The following SGK1 variants were observed in gnomAD, a reference collection of about 807,000 sequenced individuals.
SGK1 encodes serine/threonine-protein kinase Sgk1.
SGK1 carries 26 observed loss-of-function variants against 64.2 expected under a neutral mutation model. The ratio of observed to expected loss-of-function variants is 0.40; its 90% CI spans 0.30 to 0.56. SGK1 has a LOEUF of 0.56. SGK1 is among the 20% of genes least tolerant of loss of function. SGK1 has a pLI of 0.38. For synonymous variants in SGK1, 265 were observed against 239.7 expected, an observed-to-expected ratio of 1.11 and a Z score of -0.98; for missense variants, 519 against 645.6, an observed-to-expected ratio of 0.80 and a Z score of 2.12.
intron 1 of SGK1, among the ~76,000 whole-genome samples, chr6:134,265,296 C>T (rs1194365234): frequency 6.6e-6 from 1 of 151,660 alleles, no homozygotes; most frequent in Non-Finnish European, 1.5e-5. Context: ...CCCATCTCTA[C>T]AAAAAACACA....
At chr6:134,218,347 T>G (rs1202838533) in intron 2 of SGK1, among the ~76,000 whole-genome samples, 5 of 152,134 alleles carry the variant, frequency 3.3e-5, no homozygotes, top group Non-Finnish European at 7.4e-5. Flanking sequence ...TATTATACAA[T>G]AGGCACAGTG....
intron 1 of SGK1, among the ~76,000 whole-genome samples, chr6:134,281,752 A>T (rs1777097651): frequency 6.6e-6 from 1 of 152,036 alleles, no homozygotes; most frequent in African/African-American, 2.4e-5. Flanking sequence ...CGTGGTCTTA[A>T]ATGATCCTCC....
intron 3 of SGK1, among the ~76,000 whole-genome samples, chr6:134,185,589 T>C (rs892063450): frequency 6.6e-6 from 1 of 150,808 alleles, no homozygotes; most frequent in East Asian, 2.0e-4. Flanking sequence ...TGTGTGTGTG[T>C]ATTAGTTTTC....
chr6:134,179,183 T>G (rs1775295006), intron 3 of SGK1, among the ~76,000 whole-genome samples: 1 of 152,160 alleles, frequency 6.6e-6, no homozygotes, highest in South Asian at 2.1e-4. Context: ...CTTAAGACAC[T>G]TCTTAAATGT....
At position 134,298,139 on chromosome 6, in the gene SGK1, A is replaced by G. The variant is rs183959388; in HGVS notation, c.69+19253T>C. ...TTCATCCACATCCTTCTTGATGAGGACAGATTCATTCTCCATCTCTGTAAG... is the reference window on the plus strand; with the variant it reads ...TTCATCCACATCCTTCTTGATGAGGGCAGATTCATTCTCCATCTCTGTAAG... On this transcript the variant is annotated intron_variant, in intron 1 of 13. Coordinates refer to ENST00000367858, the MANE Select transcript of SGK1 (RefSeq NM_001143676.3). 17 of 1,316,872 alleles carry G rather than the reference A, an allele frequency of 1.3e-5. No individual in the cohort carries two copies. In the East Asian group the frequency reaches 3.2e-4, roughly 25 times the overall value. The allele number at this position is 1,316,872 out of a possible 1,614,324, so 81.6% of individuals were successfully genotyped here.
In SGK1 at chr6:134,298,071, G is replaced by A. The variant is rs549526901; in HGVS notation, c.69+19321C>T. On this transcript the variant is annotated intron_variant, in intron 1 of 13. Coordinates refer to ENST00000367858, the MANE Select transcript of SGK1 (RefSeq NM_001143676.3). ...CTCAGGAAGTTGATCTCGTCAGTCA[G>A]CCCTTCCAGGTGAGACTCCAGCTCT... 900 of 1,270,238 alleles carry A rather than the reference G, an allele frequency of 7.1e-4. 5 individuals carry two copies. Among genetic ancestry groups the A allele is most frequent in the South Asian group, 4.2e-3 (353 of 84,022 alleles). The allele number at this position is 1,270,238 out of a possible 1,614,324, so 78.7% of individuals were successfully genotyped here. A position where few individuals can be genotyped will look rare whatever the true frequency, so the allele number is the denominator to read the frequency against.
intron 2 of SGK1, among the ~76,000 whole-genome samples, chr6:134,229,488 C>T (rs1776243676): frequency 6.6e-6 from 1 of 152,142 alleles, no homozygotes; most frequent in Non-Finnish European, 1.5e-5. Context: ...CGTGACAATT[C>T]CATTTAGATT....
intron 1 of SGK1, among the ~76,000 whole-genome samples, chr6:134,289,298 A>C (rs1777229004): frequency 6.6e-6 from 1 of 152,236 alleles, no homozygotes; most frequent in African/African-American, 2.4e-5. Flanking sequence ...ATTGGCAATG[A>C]ATTTAAACAA....
At chr6:134,229,140 T>C (rs946337003) in intron 2 of SGK1, among the ~76,000 whole-genome samples, 1 of 152,262 alleles carries the variant, frequency 6.6e-6, no homozygotes, top group African/African-American at 2.4e-5. Flanking sequence ...GCGGGTCTTG[T>C]AGTTGTTCTT....
At chr6:134,285,799 C>A (rs1012939256) in intron 1 of SGK1, among the ~76,000 whole-genome samples, 1 of 151,832 alleles carries the variant, frequency 6.6e-6, no homozygotes, top group African/African-American at 2.4e-5. Flanking sequence ...AATAAGAGAC[C>A]ATTAACTTGT....
chr6:134,285,068 G>A (rs1412227007), intron 1 of SGK1, among the ~76,000 whole-genome samples: 2 of 152,106 alleles, frequency 1.3e-5, no homozygotes, highest in Non-Finnish European at 2.9e-5. Flanking sequence ...TGGGATTGCT[G>A]AATCAAATGG....
chr6:134,266,811 G>A (rs537943427), intron 1 of SGK1, among the ~76,000 whole-genome samples: 1 of 152,182 alleles, frequency 6.6e-6, no homozygotes, highest in East Asian at 1.9e-4. Flanking sequence ...CTTAATGTTA[G>A]TACTAAATGT....
chr6:134,207,450 A>C lies in SGK1; in HGVS notation c.286-19T>G. 1 of 1,563,174 alleles carries C rather than the reference A, an allele frequency of 6.4e-7. No homozygotes were observed. The highest frequency in any genetic ancestry group is 8.8e-7 in the Non-Finnish European group (1 of 1,135,604). On this transcript the variant is annotated intron_variant, in intron 2 of 13. Coordinates refer to ENST00000367858, the MANE Select transcript of SGK1 (RefSeq NM_001143676.3). The stretch of plus-strand genomic sequence containing the variant: ...CTCTCACCTTTAAAACATAAAGAGA[A>C]AAGAAGTGATATAAAAATGGCTTCA...
At chr6:134,257,817 A>C (rs1381186882) in intron 2 of SGK1, among the ~76,000 whole-genome samples, 1 of 152,212 alleles carries the variant, frequency 6.6e-6, no homozygotes, top group Middle Eastern at 3.2e-3. Flanking sequence ...AATCTCATCT[A>C]CTAACTACTA....
intron 2 of SGK1, among the ~76,000 whole-genome samples, chr6:134,215,517 G>A (rs1012964728): frequency 1.4e-4 from 22 of 152,056 alleles, no homozygotes; most frequent in Non-Finnish European, 1.5e-5. Context: ...TGGTGGAATT[G>A]GTAGGGAAAA....
At chr6:134,184,618 T>G (rs1202068601) in intron 3 of SGK1, among the ~76,000 whole-genome samples, 3 of 152,172 alleles carry the variant, frequency 2.0e-5, no homozygotes, top group Non-Finnish European at 4.4e-5. Context: ...TTAGTTTTAT[T>G]ATGTGACTTT....
rs1329292932 is a variant in SGK1 at position 134,169,722 on chromosome 6, GAAGA to G, written c.*542_*545del. ...CACATAAATTTATCTTCCAAATATG[GAAGA>G]AACAAACAATGTCCCACGTTGTAGT... On this transcript the variant is annotated 3_prime_UTR_variant, in exon 14 of 14. Coordinates refer to ENST00000367858, the MANE Select transcript of SGK1 (RefSeq NM_001143676.3). The G allele has an allele frequency of 1.3e-5, 2 of 152,570 alleles. No individual in the cohort carries two copies. The highest frequency in any genetic ancestry group is 4.8e-5 in the African/African-American group (2 of 41,442). The allele number at this position is 152,570 out of a possible 1,614,324, so 9.5% of individuals were successfully genotyped here.
chr6:134,236,082 T>C (rs773715338), intron 2 of SGK1, among the ~76,000 whole-genome samples: 47 of 152,078 alleles, frequency 3.1e-4, no homozygotes, highest in Admixed American at 5.9e-4. Flanking sequence ...TTCTATTAGT[T>C]CTTGACTTTT....
At chr6:134,175,231 G>A (rs1235180257) in intron 3 of SGK1, among the ~76,000 whole-genome samples, 1 of 152,200 alleles carries the variant, frequency 6.6e-6, no homozygotes, top group South Asian at 2.1e-4. Flanking sequence ...TCGCAGCGCC[G>A]AAGCGCTTCC....
Sources: allele counts gnomAD v4.1 joint callset (sites outside exome capture counted in the v4.1 genomes callset), GRCh38; gene constraint gnomAD v4.1.1; transcripts MANE v1.5; gene names NCBI Gene and HGNC (gene_info 2026-07-23, HGNC 2026-07-21).